The following DACH2 variants were observed in gnomAD, a reference collection of about 807,000 sequenced individuals.
DACH2 encodes dachshund homolog 2.
DACH2 carries 17 observed loss-of-function variants against 35.8 expected under a neutral mutation model. The ratio of observed to expected loss-of-function variants is 0.48; its 90% CI spans 0.33 to 0.71. DACH2 has a LOEUF of 0.71. Among genes scored for constraint, DACH2 ranks in the 30% least tolerant of loss-of-function variants. The pLI is 0.02. For synonymous variants in DACH2, 195 were observed against 177.3 expected, an observed-to-expected ratio of 1.10 and a Z score of -0.79; for missense variants, 469 against 472.7, an observed-to-expected ratio of 0.99 and a Z score of 0.07.
chrX:86,552,634 A>C (rs894446643), intron 3 of DACH2, among the ~76,000 whole-genome samples: 2 of 112,377 alleles, frequency 1.8e-5, no homozygotes, highest in Non-Finnish European at 3.8e-5. Context: ...GCCTGACTTT[A>C]GCTGCACATG....
chrX:86,280,273 G>A (rs2033999157), intron 1 of DACH2, among the ~76,000 whole-genome samples: 1 of 112,233 alleles, frequency 8.9e-6, no homozygotes. Flanking sequence ...AACCCTGCAA[G>A]CCAGAAGAGA....
At chrX:86,482,499 A>G (rs920407157) in intron 2 of DACH2, among the ~76,000 whole-genome samples, 2 of 109,903 alleles carry the variant, frequency 1.8e-5, no homozygotes, top group African/African-American at 6.6e-5. Flanking sequence ...ATAAACATAC[A>G]TGTGCATGTG....
intron 3 of DACH2, among the ~76,000 whole-genome samples, chrX:86,650,086 G>T (rs749492553): frequency 9.0e-6 from 1 of 110,669 alleles, no homozygotes; most frequent in Non-Finnish European, 1.9e-5. Context: ...TTTAGTACTT[G>T]TTTCCTTATA....
At chrX:86,759,184 G>A (rs146509772) in intron 7 of DACH2, among the ~76,000 whole-genome samples, 115 of 111,072 alleles carry the variant, frequency 1.0e-3, no homozygotes, top group Admixed American at 1.6e-3. Flanking sequence ...TTTCTGTCTA[G>A]GTGATCTGTC....
chrX:86,624,067 A>T, intron 3 of DACH2, among the ~76,000 whole-genome samples: 1 of 105,739 alleles, frequency 9.5e-6, no homozygotes, highest in Admixed American at 1.0e-4. Context: ...AAACAAAAAA[A>T]AAAAAAAAAA....
chrX:86,256,146 A>G (rs1165446107), intron 1 of DACH2, among the ~76,000 whole-genome samples: 7 of 111,686 alleles, frequency 6.3e-5, no homozygotes, highest in Admixed American at 3.8e-4. Flanking sequence ...GTGGGAAAAA[A>G]GCACATCATG....
intron 1 of DACH2, among the ~76,000 whole-genome samples, chrX:86,344,734 G>T (rs908320776): frequency 1.6e-4 from 18 of 110,774 alleles, no homozygotes; most frequent in African/African-American, 5.9e-4. Flanking sequence ...TGTACTTGTG[G>T]TGACTTATTT....
chrX:86,658,558 C>A (rs1351623477), intron 4 of DACH2, among the ~76,000 whole-genome samples: 1 of 111,353 alleles, frequency 9.0e-6, no homozygotes, highest in African/African-American at 3.2e-5. Context: ...TGAATAACAA[C>A]GTGTTCATGT....
chrX:86,292,791 T>C lies in DACH2; in HGVS notation c.489-84033T>C, dbSNP rs1465842713. On this transcript the variant is annotated intron_variant, in intron 1 of 11. Coordinates refer to ENST00000373125, the MANE Select transcript of DACH2 (RefSeq NM_053281.3). ...TTTGATTGCACTGTAGTCTGAGAGA[T>C]AGTTTGTTATAATTTCTATTCTTTT... Among the ~76,000 whole-genome samples, 3 of 111,529 alleles carry C rather than the reference T, an allele frequency of 2.7e-5. No homozygotes were observed. In the Admixed American group the frequency reaches 2.9e-4, roughly 11 times the overall value.
At chrX:86,499,360 C>CT (rs2038218108) in intron 2 of DACH2, among the ~76,000 whole-genome samples, 1 of 111,371 alleles carries the variant, frequency 9.0e-6, no homozygotes, top group Non-Finnish European at 1.9e-5. Flanking sequence ...GATATTCCCT[C>CT]CCACTCCAAA....
At position 86,148,732 on chromosome X, in the gene DACH2, C is replaced by A. The variant is rs2030248097; in HGVS notation, c.112C>A (p.Leu38Ile). Residue 38 changes from leucine to isoleucine, a missense_variant, in exon 1 of 12, where the codon CTT (leucine) becomes ATT (isoleucine). By Grantham distance (5) the Leu-to-Ile change is conservative (BLOSUM62 2). This residue lies in a region of DACH2 where 99 missense variants were observed against 114.3 expected (regional missense o/e 0.87). Coordinates refer to ENST00000373125, the MANE Select transcript of DACH2 (RefSeq NM_053281.3). ...LYSTPREPPR[L>I]TPNMINSFVV... ...CTCGACTCCCAGAGAGCCCCCTCGT[C>A]TTACTCCTAATATGATCAATAGTTT... 8.3e-7 allele frequency: 1 copy of A among 1,211,247 alleles called. No homozygotes were observed.
In DACH2 at chrX:86,820,355, TA is replaced by T. The variant is rs1429925538; in HGVS notation, c.1750+4259del. 2.7e-5 allele frequency among the ~76,000 whole-genome samples: 3 copies of T among 112,070 alleles called. No individual in the cohort carries two copies. In the East Asian group the frequency reaches 8.3e-4, roughly 31 times the overall value. On this transcript the variant is annotated intron_variant, in intron 11 of 11. Transcript: ENST00000373125. Reference sequence around the variant, plus strand: ...TTTTTCCATAAATGTGGTGGCATCCTAAATAATTTTTTATTCCTTTTGCTAC... The same window carrying T: ...TTTTTCCATAAATGTGGTGGCATCCTAATAATTTTTTATTCCTTTTGCTAC...
intron 5 of DACH2, among the ~76,000 whole-genome samples, chrX:86,704,002 T>C (rs912370858): frequency 6.3e-5 from 7 of 111,974 alleles, no homozygotes; most frequent in African/African-American, 2.3e-4. Context: ...GCCAAAGCAT[T>C]CCTAAACAAA....
chrX:86,231,044 T>C (rs1377386432), intron 1 of DACH2, among the ~76,000 whole-genome samples: 1 of 112,355 alleles, frequency 8.9e-6, no homozygotes, highest in Non-Finnish European at 1.9e-5. Context: ...TGGTTTGTTC[T>C]TGTTTCTCCA....
At chrX:86,441,869 G>GTATA (rs113721694) in intron 2 of DACH2, among the ~76,000 whole-genome samples, 19 of 98,193 alleles carry the variant, frequency 1.9e-4, no homozygotes, top group East Asian at 3.1e-4. Flanking sequence ...GTGTGTGTGT[G>GTATA]TATATATATA....
chrX:86,308,759 G>C (rs1002241231), intron 1 of DACH2, among the ~76,000 whole-genome samples: 1 of 111,704 alleles, frequency 9.0e-6, no homozygotes, highest in East Asian at 2.8e-4. Context: ...ATGATCAGAC[G>C]TTTGGGGACT....
At chrX:86,528,938 G>A (rs2038673242) in intron 3 of DACH2, among the ~76,000 whole-genome samples, 1 of 112,177 alleles carries the variant, frequency 8.9e-6, no homozygotes, top group Non-Finnish European at 1.9e-5. Flanking sequence ...TATGTGTTGG[G>A]TACATTTCAG....
At chrX:86,413,007 G>C (rs1264245191) in intron 2 of DACH2, among the ~76,000 whole-genome samples, 1 of 111,598 alleles carries the variant, frequency 9.0e-6, no homozygotes, top group African/African-American at 3.3e-5. Flanking sequence ...GGTTGTAGGA[G>C]AGGCCAAATG....
chrX:86,596,123 G>A (rs987154346), intron 3 of DACH2, among the ~76,000 whole-genome samples: 8 of 111,839 alleles, frequency 7.2e-5, no homozygotes, highest in South Asian at 3.6e-4. Context: ...ATAATATTCC[G>A]TTATACAGAT....
Sources: allele counts gnomAD v4.1 joint callset (sites outside exome capture counted in the v4.1 genomes callset), GRCh38; gene constraint gnomAD v4.1.1; regional missense constraint gnomAD v4.1.1; transcripts MANE v1.5; gene names NCBI Gene and HGNC (gene_info 2026-07-23, HGNC 2026-07-21).